OSBPL1A: variants seen among roughly 807,000 people sequenced by gnomAD.
OSBPL1A encodes oxysterol binding protein like 1A, also known as oxysterol-binding protein-related protein 1.
A neutral mutation model predicts 137.1 loss-of-function variants in OSBPL1A; 80 were observed. The observed-to-expected ratio is 0.58, with a 90% CI of 0.49 to 0.70. The LOEUF (loss-of-function observed/expected upper bound fraction) is 0.70, where lower values mean the gene tolerates loss of function less well. Ranked by LOEUF, OSBPL1A falls within the 30% of genes least tolerant of loss-of-function variation. The probability of loss-of-function intolerance (pLI) is 0.00; values close to 1 mark genes in which losing one functional copy is unlikely to be tolerated. For missense variants in OSBPL1A, 970 were observed against 1,129.4 expected (o/e 0.86, Z 2.02); for synonymous variants, 365 against 389.7 (o/e 0.94, Z 0.75).
At chr18:24,322,786 T>C (rs1011611619) in intron 7 of OSBPL1A, among the ~76,000 whole-genome samples, 1 of 152,120 alleles carries the variant, frequency 6.6e-6, no homozygotes. Context: ...ATTTGATGTC[T>C]AAAATGCCTG....
At chr18:24,165,374 C>T (rs904056513) in intron 26 of OSBPL1A, among the ~76,000 whole-genome samples, 7 of 152,318 alleles carry the variant, frequency 4.6e-5, no homozygotes, top group African/African-American at 1.7e-4. Flanking sequence ...TCTTTCACAG[C>T]CTATGCTCTT....
In OSBPL1A at chr18:24,382,406, C is replaced by CAAA. The variant is rs58654443; in HGVS notation, c.-2-4874_-2-4872dup. On this transcript the variant is annotated intron_variant, in intron 1 of 27. Transcript: ENST00000319481. Reference sequence around the variant, plus strand: ...TGGGCAACAGAGTGAGACTCCGTCTCAAAAAAAAAAAAAAAAAAAAATTTG... The same window carrying CAAA: ...TGGGCAACAGAGTGAGACTCCGTCTCAAAAAAAAAAAAAAAAAAAAAAAATTTG... Among the ~76,000 whole-genome samples the CAAA allele has an allele frequency of 7.5e-3, 561 of 74,398 alleles. 9 individuals carry two copies. The highest frequency in any genetic ancestry group is 0.025 in the African/African-American group (488 of 19,154). The allele number at this position is 74,398 out of a possible 152,430, so 48.8% of individuals were successfully genotyped here.
chr18:24,383,767 TAAAG>T (rs1376123570), intron 1 of OSBPL1A, among the ~76,000 whole-genome samples: 6 of 152,142 alleles, frequency 3.9e-5, no homozygotes, highest in South Asian at 2.1e-4. Context: ...AATGAATAAA[TAAAG>T]AAATCTATTA....
chr18:24,395,627 CT>C, intron 1 of OSBPL1A, among the ~76,000 whole-genome samples: 1 of 136,774 alleles, frequency 7.3e-6, no homozygotes, highest in East Asian at 2.2e-4. Context: ...TTTTTTTTTT[CT>C]TTTTTTTGTG....
At chr18:24,295,219 A>C (rs916981796) in intron 14 of OSBPL1A, among the ~76,000 whole-genome samples, 4 of 152,078 alleles carry the variant, frequency 2.6e-5, no homozygotes, top group Non-Finnish European at 5.9e-5. Context: ...TCTTCTTTTG[A>C]GAAACATCTA....
intron 24 of OSBPL1A, among the ~76,000 whole-genome samples, chr18:24,168,818 C>G (rs77683390): frequency 5.3e-5 from 8 of 152,188 alleles, no homozygotes; most frequent in Admixed American, 5.2e-4. Flanking sequence ...GTGAGAATAC[C>G]TGCTCTCTCC....
At chr18:24,203,537 T>C (rs2087280873) in intron 17 of OSBPL1A, among the ~76,000 whole-genome samples, 1 of 152,210 alleles carries the variant, frequency 6.6e-6, no homozygotes, top group Non-Finnish European at 1.5e-5. Context: ...TGTAATACCT[T>C]TAGGCACATG....
At chr18:24,383,003 G>A (rs684123) in intron 1 of OSBPL1A, among the ~76,000 whole-genome samples, 15,416 of 152,080 alleles carry the variant, frequency 0.1, 2,141 homozygotes, top group African/African-American at 0.32. Context: ...GCTAAATATC[G>A]GCAGAGAAAC....
At chr18:24,376,154 G>T (rs11877541) in intron 2 of OSBPL1A, among the ~76,000 whole-genome samples, 13,288 of 152,226 alleles carry the variant, frequency 0.087, 1,870 homozygotes, top group African/African-American at 0.3. Flanking sequence ...GCAGCCTGCT[G>T]TTATTCTCTT....
chr18:24,166,892 A>G (rs1440595046), intron 25 of OSBPL1A, among the ~76,000 whole-genome samples, 190 bp from the exon 26 acceptor site: 2 of 152,186 alleles, frequency 1.3e-5, no homozygotes, highest in African/African-American at 4.8e-5. Context: ...GTATCTCTCA[A>G]AAAAATCTCA....
chr18:24,374,930 C>G (rs1428177910), intron 2 of OSBPL1A, among the ~76,000 whole-genome samples: 2 of 152,000 alleles, frequency 1.3e-5, no homozygotes, highest in African/African-American at 2.4e-5. Context: ...CTCCACCACA[C>G]GAACACACAG....
intron 15 of OSBPL1A, among the ~76,000 whole-genome samples, chr18:24,270,305 T>C (rs968971621): frequency 2.6e-5 from 4 of 152,184 alleles, no homozygotes; most frequent in African/African-American, 7.2e-5. Flanking sequence ...TTAAACATGC[T>C]CAAACTATTT....
At chr18:24,190,559 G>A (rs748957709) in intron 18 of OSBPL1A, among the ~76,000 whole-genome samples, 4 of 152,060 alleles carry the variant, frequency 2.6e-5, no homozygotes, top group Admixed American at 6.5e-5. Flanking sequence ...AGAAAGACAC[G>A]ACATGAGAAA....
chr18:24,239,450 T>C, intron 15 of OSBPL1A, 68 bp from the exon 16 acceptor site: 1 of 1,400,456 alleles, frequency 7.1e-7, no homozygotes, highest in Admixed American at 2.0e-5. Flanking sequence ...TCAGAGGATG[T>C]GAAAATTAAT....
chr18:24,281,233 A>C (rs1206411444), intron 14 of OSBPL1A, among the ~76,000 whole-genome samples: 1 of 151,872 alleles, frequency 6.6e-6, no homozygotes, highest in Non-Finnish European at 1.5e-5. Context: ...CTACAGGCGC[A>C]CACCACCACG....
intron 14 of OSBPL1A, among the ~76,000 whole-genome samples, chr18:24,283,973 T>A (rs966417320): frequency 6.6e-6 from 1 of 152,104 alleles, no homozygotes; most frequent in Non-Finnish European, 1.5e-5. Flanking sequence ...TGTATATATA[T>A]ATATAAAGAA....
At chr18:24,209,537 T>C (rs758893897) in intron 17 of OSBPL1A, among the ~76,000 whole-genome samples, 1 of 152,136 alleles carries the variant, frequency 6.6e-6, no homozygotes, top group Admixed American at 6.5e-5. Context: ...TACTCCTACA[T>C]AGTGAAGAGA....
chr18:24,308,572 C>T (rs1461972596), intron 13 of OSBPL1A, among the ~76,000 whole-genome samples: 1 of 151,604 alleles, frequency 6.6e-6, no homozygotes, highest in Non-Finnish European at 1.5e-5. Flanking sequence ...AGAATCAAGA[C>T]ATCTTCAACA....
intron 27 of OSBPL1A, 114 bp downstream of exon 27, chr18:24,164,951 G>C: frequency 9.8e-7 from 1 of 1,018,510 alleles, no homozygotes; most frequent in Non-Finnish European, 1.5e-6. Flanking sequence ...AACTCGGCAG[G>C]GTTTGTGTTA....
Sources: gnomAD v4.1 joint callset for allele counts (sites outside exome capture counted in the v4.1 genomes callset) on GRCh38, gnomAD v4.1.1 for gene constraint, MANE v1.5 for transcripts, NCBI Gene and HGNC (gene_info 2026-07-23, HGNC 2026-07-21) for gene names.